ANKMY1: variants seen among roughly 807,000 people sequenced by gnomAD.
ANKMY1 encodes the protein ankyrin repeat and MYND domain containing 1.
ANKMY1 carries 98 observed loss-of-function variants against 102.0 expected under a neutral mutation model. The ratio of observed to expected loss-of-function variants is 0.96; its 90% CI spans 0.82 to 1.14. The LOEUF is 1.14. ANKMY1 is among the 50% of genes most tolerant of loss of function. ANKMY1 has a pLI of 0.00. For missense variants in ANKMY1, 1,330 were observed against 1,347.6 expected, an observed-to-expected ratio of 0.99 and a Z score of 0.20; for synonymous variants, 582 against 559.9, an observed-to-expected ratio of 1.04 and a Z score of -0.56.
At chr2:240,559,481 C>T (rs573868030), upstream of ANKMY1, among the ~76,000 whole-genome samples, 1 of 152,338 alleles carries the variant, frequency 6.6e-6, no homozygotes, top group Non-Finnish European at 1.5e-5. Flanking sequence ...CAAGCTCATT[C>T]CCAGAGCAGT....
chr2:240,507,708 A>T lies in ANKMY1; in HGVS notation c.2395-17T>A. 6.3e-7 allele frequency: 1 copy of T among 1,584,236 alleles called. No individual in the cohort carries two copies. Among genetic ancestry groups the T allele is most frequent in the Non-Finnish European group, 8.6e-7 (1 of 1,163,066 alleles). On this transcript the variant is annotated splice_polypyrimidine_tract_variant and intron_variant, in intron 12 of 17. Transcript: ENST00000401804. Reference sequence around the variant, plus strand: ...CTTCACAACCTGAACATACACAGACAGTCTCATCAGTGGCCACCATGTCAC... The same window carrying T: ...CTTCACAACCTGAACATACACAGACTGTCTCATCAGTGGCCACCATGTCAC...
At chr2:240,504,911 C>T (rs958287465) in intron 13 of ANKMY1, among the ~76,000 whole-genome samples, 4 of 152,040 alleles carry the variant, frequency 2.6e-5, no homozygotes, top group South Asian at 4.1e-4. Context: ...CACTTGAACC[C>T]GGGAGGTAGA....
At chr2:240,536,045 A>C (rs997805594) in intron 4 of ANKMY1, among the ~76,000 whole-genome samples, 7 of 152,234 alleles carry the variant, frequency 4.6e-5, no homozygotes, top group Non-Finnish European at 1.0e-4. Context: ...AGAATGCAGA[A>C]AATCAATAAC....
chr2:240,472,804 C>T, the ANKMY1 span, among the ~76,000 whole-genome samples: 4 of 152,134 alleles, frequency 2.6e-5, no homozygotes, highest in Non-Finnish European at 5.9e-5. Context: ...CAATGCAAGG[C>T]TCTATGAATA....
At chr2:240,501,022 C>T (rs941518895) in intron 13 of ANKMY1, among the ~76,000 whole-genome samples, 7 of 151,930 alleles carry the variant, frequency 4.6e-5, no homozygotes, top group East Asian at 1.9e-4. Flanking sequence ...GTGTGTGGGG[C>T]GGGGGGCCAG....
At chr2:240,527,019 T>TGATG (rs2083608277) in intron 5 of ANKMY1, 15 of 989,434 alleles carry the variant, frequency 1.5e-5, no homozygotes, top group Non-Finnish European at 1.7e-5. Context: ...GATGTCTGCA[T>TGATG]GATGGATGGA....
Position 240,511,845 on chromosome 2 carries a change from C to T in ANKMY1, c.2286+16G>A. On this transcript the variant is annotated intron_variant, in intron 11 of 17. Coordinates refer to ENST00000401804, the MANE Select transcript of ANKMY1 (RefSeq NM_001282771.3). ...TGGGCAGCCCTGTGCCCCCGCCAGG[C>T]CCTGGCTGCCCTCACCTTGTTGTCA... 6.4e-7 allele frequency: 1 copy of T among 1,571,998 alleles called. No individual in the cohort carries two copies.
chr2:240,476,003 T>C (rs1482769908), downstream of ANKMY1, among the ~76,000 whole-genome samples: 1 of 152,110 alleles, frequency 6.6e-6, no homozygotes, highest in African/African-American at 2.4e-5. Flanking sequence ...AAAAACAATC[T>C]TAAAATTTGT....
chr2:240,533,495 A>G (rs1447858823), intron 4 of ANKMY1, among the ~76,000 whole-genome samples: 1 of 152,218 alleles, frequency 6.6e-6, no homozygotes, highest in Non-Finnish European at 1.5e-5. Flanking sequence ...TCTTTCTAAA[A>G]TATCATTTCA....
At position 240,479,591 on chromosome 2, in the gene ANKMY1, G is replaced by C. The variant is rs770187300; in HGVS notation, c.*18C>G. On this transcript the variant is annotated 3_prime_UTR_variant, in exon 18 of 18. Transcript: ENST00000401804. The stretch of plus-strand genomic sequence containing the variant: ...CAGTCCTGGGTCCTCCCCAAGCCTC[G>C]GACGTGCAGCTGCTGCTTCACTGGA... The C allele has an allele frequency of 3.1e-6, 5 of 1,613,704 alleles. No homozygotes were observed. Among genetic ancestry groups the C allele is most frequent in the Non-Finnish European group, 4.2e-6 (5 of 1,179,922 alleles).
rs947899410 is a variant in ANKMY1, at chr2:240,520,250, G to C, written c.2004+112C>G. ...GTCATCACTCACAGCCCAGGTGGTC[G>C]CCTGCAAGAGCCCACCCCTCTCTTC... On this transcript the variant is annotated intron_variant, in intron 9 of 17. Transcript: ENST00000401804. This position sits in a 1 kb window ranked among gnomAD's most constrained non-coding sequence, Gnocchi z 4.8. 6.9e-7 allele frequency: 1 copy of C among 1,447,178 alleles called. No homozygotes were observed. The highest frequency in any genetic ancestry group is 1.4e-5 in the African/African-American group (1 of 70,790). The allele number at this position is 1,447,178 out of a possible 1,614,324, so 89.6% of individuals were successfully genotyped here. A position where few individuals can be genotyped will look rare whatever the true frequency, so the allele number is the denominator to read the frequency against.
At chr2:240,491,091 C>CTTTTTT (rs200434647) in intron 15 of ANKMY1, among the ~76,000 whole-genome samples, 8 of 129,564 alleles carry the variant, frequency 6.2e-5, no homozygotes, top group Admixed American at 7.6e-5. Flanking sequence ...ATGACTTTGT[C>CTTTTTT]TTTTTTTTTT....
At chr2:240,493,555 G>A (rs1265668655) in intron 15 of ANKMY1, among the ~76,000 whole-genome samples, 2 of 152,068 alleles carry the variant, frequency 1.3e-5, no homozygotes, top group Admixed American at 1.3e-4. Flanking sequence ...TTCTCAGCGT[G>A]TGCAGTAGTG....
intron 15 of ANKMY1, among the ~76,000 whole-genome samples, chr2:240,493,414 T>C (rs1468052743): frequency 6.6e-6 from 1 of 152,256 alleles, no homozygotes; most frequent in Non-Finnish European, 1.5e-5. Context: ...TTTTTCATGT[T>C]TCCTGTGTCC....
chr2:240,520,332 G>A lies in ANKMY1; in HGVS notation c.2004+30C>T, dbSNP rs574064131. 2.0e-6 allele frequency: 3 copies of A among 1,512,010 alleles called. No individual in the cohort carries two copies. The highest frequency in any genetic ancestry group is 2.5e-5 in the South Asian group (2 of 79,788). 93.7% of individuals were successfully genotyped at this position (1,512,010 alleles called of 1,614,324 possible). ...CAGTGCCCGGGAGTCTGCTGCGCTC[G>A]TCCCGGCGCCCGCCCGCCGCGGCTC... is the stretch of plus-strand genomic sequence containing the variant. On this transcript the variant is annotated intron_variant, in intron 9 of 17. Coordinates refer to ENST00000401804, the MANE Select transcript of ANKMY1 (RefSeq NM_001282771.3). This position sits in a 1 kb window ranked among gnomAD's most constrained non-coding sequence, Gnocchi z 4.8.
chr2:240,526,734 A>T (rs1319579941), intron 5 of ANKMY1: 4 of 1,336,374 alleles, frequency 3.0e-6, no homozygotes, highest in Non-Finnish European at 3.9e-6. Context: ...TCTCTGATTC[A>T]TCTGGGTGTT....
chr2:240,542,554 T>C (rs1314000192), intron 4 of ANKMY1, among the ~76,000 whole-genome samples: 2 of 152,078 alleles, frequency 1.3e-5, no homozygotes, highest in Admixed American at 6.5e-5. Flanking sequence ...CCTAAAATTT[T>C]GGTCCACAGC....
In ANKMY1 at chr2:240,480,989, G is replaced by A; in HGVS notation, c.2994C>T (p.Thr998=). ...GILTCSKYCK[T]KAWTEFHKKD... is the part of the protein sequence containing the mutation. ...TCTTGTGGAACTCGGTCCAGGCCTTGGTCTTGCAGTACTTGCTGCAGGTCA... is the reference window on the plus strand; with the variant it reads ...TCTTGTGGAACTCGGTCCAGGCCTTAGTCTTGCAGTACTTGCTGCAGGTCA... The change falls in exon 17 of 18, where the codon ACC becomes ACT. Residue 998 remains threonine (T), a synonymous_variant. Transcript: ENST00000401804. 3.7e-6 allele frequency: 6 copies of A among 1,613,856 alleles called. No homozygotes were observed. Among genetic ancestry groups the A allele is most frequent in the Non-Finnish European group, 5.1e-6 (6 of 1,179,770 alleles).
chr2:240,480,528 G>A (rs530797098), intron 17 of ANKMY1, among the ~76,000 whole-genome samples: 14 of 152,304 alleles, frequency 9.2e-5, no homozygotes, highest in African/African-American at 3.1e-4. Context: ...ATTTCCTGAA[G>A]GAGCCCCAAG....
Sources: allele counts gnomAD v4.1 joint callset (sites outside exome capture counted in the v4.1 genomes callset), GRCh38; gene constraint gnomAD v4.1.1; non-coding constraint Gnocchi (gnomAD v3.1); transcripts MANE v1.5; gene names NCBI Gene and HGNC (gene_info 2026-07-23, HGNC 2026-07-21).